Variants in CDH20 observed in about 807,000 individuals in gnomAD.
CDH20 encodes cadherin-20.
CDH20 carries 29 observed loss-of-function variants against 74.2 expected under a neutral mutation model. That is an observed-to-expected ratio of 0.39 (90% CI 0.29 to 0.53). CDH20 has a LOEUF of 0.53. CDH20 is among the 20% of genes least tolerant of loss of function. CDH20 has a pLI of 0.69. For synonymous variants in CDH20, 469 were observed against 405.4 expected (o/e 1.16, Z -1.88); for missense variants, 988 against 1,048.3 (o/e 0.94, Z 0.79).
At chr18:61,426,081 A>G (rs537235971) in intron 1 of CDH20, among the ~76,000 whole-genome samples, 11 of 152,140 alleles carry the variant, frequency 7.2e-5, no homozygotes, top group East Asian at 1.9e-4. Flanking sequence ...GAACTCATTC[A>G]TTACCTCTCA....
chr18:61,376,939 T>C (rs1220015174), intron 1 of CDH20, among the ~76,000 whole-genome samples: 2 of 152,096 alleles, frequency 1.3e-5, no homozygotes, highest in African/African-American at 4.8e-5. Context: ...TGCTGTTTCA[T>C]TAAGAAGGAT....
intron 1 of CDH20, among the ~76,000 whole-genome samples, chr18:61,475,617 G>A (rs1910346057): frequency 6.6e-6 from 1 of 152,152 alleles, no homozygotes; most frequent in African/African-American, 2.4e-5. Flanking sequence ...AATGCTTAGT[G>A]ACCATGACTT....
intron 10 of CDH20, among the ~76,000 whole-genome samples, chr18:61,549,024 T>C (rs1029189661): frequency 2.0e-5 from 3 of 152,242 alleles, no homozygotes; most frequent in African/African-American, 7.2e-5. Context: ...GGGACCTCTG[T>C]GTTGGTGGTA....
In CDH20 at chr18:61,408,850, A is replaced by G. The variant is rs28516733; in HGVS notation, c.-153+75023A>G. 9.9e-3 allele frequency among the ~76,000 whole-genome samples: 1,515 copies of G among 152,310 alleles called. 21 individuals are homozygous for G. Among genetic ancestry groups the G allele is most frequent in the African/African-American group, 0.035 (1,439 of 41,568 alleles). ...CAAAAAGTCAAATTGCACTATGTGGACTTACAGATTGTCTAATTTTAACTA... is the reference window on the plus strand; with the variant it reads ...CAAAAAGTCAAATTGCACTATGTGGGCTTACAGATTGTCTAATTTTAACTA... On this transcript the variant is annotated intron_variant, in intron 1 of 11. Coordinates refer to ENST00000262717, the MANE Select transcript of CDH20 (RefSeq NM_031891.4).
chr18:61,392,318 C>A (rs947188998), intron 1 of CDH20, among the ~76,000 whole-genome samples: 1 of 152,174 alleles, frequency 6.6e-6, no homozygotes, highest in Admixed American at 6.5e-5. Context: ...GATGTCATGT[C>A]CTCAGGGAAG....
At chr18:61,430,142 C>T (rs1238388519) in intron 1 of CDH20, among the ~76,000 whole-genome samples, 3 of 151,842 alleles carry the variant, frequency 2.0e-5, no homozygotes, top group African/African-American at 7.3e-5. Context: ...AAACAAAATG[C>T]CTGACTTTTG....
Position 61,353,947 on chromosome 18 carries a change from G to A in CDH20, c.-153+20120G>A, listed in dbSNP as rs745310490. 4.0e-5 allele frequency among the ~76,000 whole-genome samples: 6 copies of A among 151,804 alleles called. No individual in the cohort carries two copies. Among genetic ancestry groups the A allele is most frequent in the Non-Finnish European group, 7.4e-5 (5 of 67,980 alleles). On this transcript the variant is annotated intron_variant, in intron 1 of 11. Coordinates refer to ENST00000262717, the MANE Select transcript of CDH20 (RefSeq NM_031891.4). The surrounding 1 kb of genome is among the most constrained non-coding windows in gnomAD (Gnocchi z 4.6). ...AAATACAAAATATTAGTTGGGCATG[G>A]TGGCGTGCACCTGTGGTCCCAGCTA...
At chr18:61,417,984 C>A (rs1012274137) in intron 1 of CDH20, among the ~76,000 whole-genome samples, 7 of 152,098 alleles carry the variant, frequency 4.6e-5, no homozygotes, top group African/African-American at 1.7e-4. Context: ...AAACAGTTGT[C>A]CTGATTTTCT....
At chr18:61,404,780 TAA>T (rs79343250) in intron 1 of CDH20, 8 of 324,538 alleles carry the variant, frequency 2.5e-5, no homozygotes, top group East Asian at 7.5e-5. Flanking sequence ...TTTGTTTAAT[TAA>T]AAAAAAATTG....
At chr18:61,471,327 T>C (rs937293757) in intron 1 of CDH20, among the ~76,000 whole-genome samples, 7 of 152,216 alleles carry the variant, frequency 4.6e-5, no homozygotes, top group African/African-American at 1.7e-4. Flanking sequence ...CTAACTCTCC[T>C]GTCTACTAGG....
chr18:61,510,246 G>C (rs946808078), intron 6 of CDH20, among the ~76,000 whole-genome samples: 29 of 152,170 alleles, frequency 1.9e-4, no homozygotes, highest in African/African-American at 6.3e-4. Context: ...AACATGAAGA[G>C]GTCAGGGGAA....
chr18:61,369,121 G>A (rs899416397), intron 1 of CDH20, among the ~76,000 whole-genome samples: 4 of 152,034 alleles, frequency 2.6e-5, no homozygotes, highest in Non-Finnish European at 1.5e-5. Flanking sequence ...CACTTATTAT[G>A]TAGGTCTACT....
intron 8 of CDH20, among the ~76,000 whole-genome samples, chr18:61,538,660 C>A (rs1278733490): frequency 8.3e-6 from 1 of 120,788 alleles, no homozygotes; most frequent in African/African-American, 3.1e-5. Flanking sequence ...ACTCTTTTGC[C>A]CAGGCCGGAC....
At chr18:61,547,523 G>T (rs1913293416) in intron 10 of CDH20, among the ~76,000 whole-genome samples, 1 of 152,080 alleles carries the variant, frequency 6.6e-6, no homozygotes, top group African/African-American at 2.4e-5. Flanking sequence ...CAGTTTCAAA[G>T]TATTTTCCCA....
chr18:61,522,284 G>C (rs929757041), intron 6 of CDH20, among the ~76,000 whole-genome samples: 2 of 151,724 alleles, frequency 1.3e-5, no homozygotes, highest in Non-Finnish European at 2.9e-5. Flanking sequence ...AATAGATAGA[G>C]AGCCAAATCA....
chr18:61,432,659 A>G (rs1041197580), intron 1 of CDH20, among the ~76,000 whole-genome samples: 1 of 152,104 alleles, frequency 6.6e-6, no homozygotes, highest in Non-Finnish European at 1.5e-5. Flanking sequence ...ACTGCATTCA[A>G]TGCCACCCCT....
chr18:61,540,686 G>A (rs1051967252), intron 9 of CDH20, among the ~76,000 whole-genome samples: 1 of 152,122 alleles, frequency 6.6e-6, no homozygotes, highest in African/African-American at 2.4e-5. Context: ...AGATTTGGGT[G>A]GGGACACAGC....
intron 1 of CDH20, among the ~76,000 whole-genome samples, chr18:61,454,137 C>T (rs1909494696): frequency 1.3e-5 from 2 of 152,074 alleles, no homozygotes; most frequent in Non-Finnish European, 2.9e-5. Context: ...GTCTTTTACC[C>T]ACCTCCTAAT....
At position 61,455,041 on chromosome 18, in the gene CDH20, A is replaced by G. The variant is rs144559586; in HGVS notation, c.-152-35361A>G. On this transcript the variant is annotated intron_variant, in intron 1 of 11. Coordinates refer to ENST00000262717, the MANE Select transcript of CDH20 (RefSeq NM_031891.4). ...GCAGTAAAACCAGGAATTTGGACTCATCGATACAATGATTTCTGAAGTCAC... is the reference window on the plus strand; with the variant it reads ...GCAGTAAAACCAGGAATTTGGACTCGTCGATACAATGATTTCTGAAGTCAC... Among the ~76,000 whole-genome samples the G allele has an allele frequency of 5.6e-3, 858 of 152,314 alleles. 21 individuals are homozygous for G. Among genetic ancestry groups the G allele is most frequent in the Non-Finnish European group, 3.0e-3 (205 of 68,030 alleles).
Sources: allele counts gnomAD v4.1 joint callset (sites outside exome capture counted in the v4.1 genomes callset), GRCh38; gene constraint gnomAD v4.1.1; non-coding constraint Gnocchi (gnomAD v3.1); transcripts MANE v1.5; gene names NCBI Gene and HGNC (gene_info 2026-07-23, HGNC 2026-07-21).